The following GON4L variants were observed in gnomAD, a reference collection of about 807,000 sequenced individuals.
GON4L encodes gon-4 like, also known as GON-4-like protein.
Under a neutral mutation model 211.8 loss-of-function variants are expected in GON4L, and 87 were observed. The ratio of observed to expected loss-of-function variants is 0.41; its 90% CI spans 0.35 to 0.49. The LOEUF is 0.49. Ranked by LOEUF, GON4L falls within the 20% of genes least tolerant of loss-of-function variation. The pLI, the probability that GON4L is intolerant of heterozygous loss-of-function variation, is 0.15. For synonymous variants in GON4L, 875 were observed against 962.6 expected (o/e 0.91, Z 1.68); for missense variants, 2,155 against 2,659.5 (o/e 0.81, Z 4.17).
chr1:155,791,475 C>T (rs912887979), intron 12 of GON4L, among the ~76,000 whole-genome samples: 1 of 149,426 alleles, frequency 6.7e-6, no homozygotes, highest in African/African-American at 2.5e-5. Context: ...TGAAACTTTC[C>T]TATGTTTTGC....
At chr1:155,791,232 A>G (rs1665519004) in intron 12 of GON4L, among the ~76,000 whole-genome samples, 1 of 152,176 alleles carries the variant, frequency 6.6e-6, no homozygotes, top group African/African-American at 2.4e-5. Flanking sequence ...ATTGCACTCT[A>G]GCCTGGGGAA....
chr1:155,857,573 T>C (rs1465294714), upstream of GON4L, among the ~76,000 whole-genome samples: 7 of 152,036 alleles, frequency 4.6e-5, no homozygotes, highest in African/African-American at 7.2e-5. Context: ...CTACTAAATA[T>C]ACAAAATTAG....
chr1:155,753,345 C>A lies in GON4L; in HGVS notation c.5701G>T (p.Ala1901Ser). 1.2e-6 allele frequency: 2 copies of A among 1,613,824 alleles called. No individual in the cohort carries two copies. The highest frequency in any genetic ancestry group is 1.3e-5 in the African/African-American group (1 of 74,992). The change falls in exon 29 of 32, where the codon GCT becomes TCT. Residue 1901 changes from alanine to serine, a missense_variant. Transcript: ENST00000368331. ...ELVGSSPHRE[A>S]SPMPGAKEAG... Reference sequence around the variant, plus strand: ...TCCTTAGCACCAGGCATAGGACTAGCCTCTCGGTGGGGGCTGCTGCCCACC... The same window carrying A: ...TCCTTAGCACCAGGCATAGGACTAGACTCTCGGTGGGGGCTGCTGCCCACC...
intron 10 of GON4L, among the ~76,000 whole-genome samples, chr1:155,812,763 G>C (rs2102177278): frequency 6.6e-6 from 1 of 152,120 alleles, no homozygotes; most frequent in African/African-American, 2.4e-5. Flanking sequence ...CACCATGTTG[G>C]CCAGGCTGGT....
chr1:155,766,186 G>C lies in GON4L; in HGVS notation c.3287C>G (p.Pro1096Arg), dbSNP rs1411740262. Residue 1096 changes from proline (P) to arginine (R), a missense_variant, in exon 21 of 32, where the codon CCT becomes CGT. This residue lies in a region of GON4L where 615 missense variants were observed against 625.7 expected (regional missense o/e 0.98). Coordinates refer to ENST00000368331, the MANE Select transcript of GON4L (RefSeq NM_001282860.2). Reference sequence around the variant, plus strand: ...GGAGGGCAGCATTACCTTGGGCACAGGGGCAGAAGAGAGCAAAGTCTGGGA... The same window carrying C: ...GGAGGGCAGCATTACCTTGGGCACACGGGCAGAAGAGAGCAAAGTCTGGGA... Reference protein sequence around the residue: ...SESQTLLSSAPVPKVMLPSLA... With the variant: ...SESQTLLSSARVPKVMLPSLA... 3.1e-6 allele frequency: 5 copies of C among 1,614,016 alleles called. No individual in the cohort carries two copies. The highest frequency in any genetic ancestry group is 1.7e-5 in the Admixed American group (1 of 59,990).
chr1:155,745,281 CAG>C (rs1367843872), downstream of GON4L, among the ~76,000 whole-genome samples: 1 of 152,126 alleles, frequency 6.6e-6, no homozygotes, highest in Non-Finnish European at 1.5e-5. Flanking sequence ...GTTACATACA[CAG>C]AGATAGATTA....
chr1:155,814,269 C>A, intron 9 of GON4L, 61 bp downstream of exon 9: 1 of 1,456,390 alleles, frequency 6.9e-7, no homozygotes, highest in Non-Finnish European at 9.6e-7. Flanking sequence ...TCTACTTATA[C>A]AGTTAAAAAA....
chr1:155,843,052 C>T (rs571861646), intron 2 of GON4L, among the ~76,000 whole-genome samples: 3 of 152,230 alleles, frequency 2.0e-5, no homozygotes, highest in East Asian at 1.9e-4. Flanking sequence ...CCTACACCTG[C>T]AAACCTCTGG....
intron 31 of GON4L, among the ~76,000 whole-genome samples, 190 bp downstream of exon 31, chr1:155,751,577 T>C (rs1660589353): frequency 6.6e-6 from 1 of 152,104 alleles, no homozygotes; most frequent in African/African-American, 2.4e-5. Flanking sequence ...AATTTAAAAA[T>C]CCTCAAAATC....
intron 12 of GON4L, among the ~76,000 whole-genome samples, chr1:155,791,737 G>A (rs536522186): frequency 3.7e-4 from 56 of 151,502 alleles, no homozygotes; most frequent in African/African-American, 1.2e-3. Flanking sequence ...GCGTGGTGGC[G>A]GGCACCTGTA....
At chr1:155,816,459 ACT>A (rs1337237189) in intron 6 of GON4L, among the ~76,000 whole-genome samples, 197 bp from the exon 7 acceptor site, 1 of 152,196 alleles carries the variant, frequency 6.6e-6, no homozygotes, top group Non-Finnish European at 1.5e-5. Flanking sequence ...AGAATCTATT[ACT>A]GTCATTAGCA....
rs1669261643 is a variant in GON4L at position 155,826,854 on chromosome 1, C to T, written c.680G>A (p.Gly227Glu). ...AAGCCTACCCATTGGAATGAAGAGT[C>T]CACCATCTTCTATCTCTTCCTCAGG... ...HQPEEEIEDG[G>E]LFIPMEEQDN... The change falls in exon 3 of 32, where the codon GGA becomes GAA. Residue 227 changes from glycine to glutamate, a missense_variant. Physicochemically the swap from Gly to Glu is moderately conservative, Grantham distance 98. Coordinates refer to ENST00000368331, the MANE Select transcript of GON4L (RefSeq NM_001282860.2). 6.2e-7 allele frequency: 1 copy of T among 1,609,860 alleles called. No individual in the cohort carries two copies. Among genetic ancestry groups the T allele is most frequent in the Non-Finnish European group, 8.5e-7 (1 of 1,176,388 alleles).
chr1:155,768,580 C>A (rs1480075406), intron 19 of GON4L, among the ~76,000 whole-genome samples: 3 of 150,584 alleles, frequency 2.0e-5, no homozygotes, highest in African/African-American at 7.3e-5. Context: ...CACTGCACTC[C>A]AGCCTGGATG....
chr1:155,764,608 T>G, intron 21 of GON4L: 1 of 420,920 alleles, frequency 2.4e-6, no homozygotes, highest in South Asian at 2.2e-5. Context: ...CCTGGCTAAT[T>G]TTTGTTATTT....
At chr1:155,746,103 G>A, downstream of GON4L, 1 of 887,640 alleles carries the variant, frequency 1.1e-6, no homozygotes, top group Non-Finnish European at 1.7e-6. Flanking sequence ...ACGGCCAGGA[G>A]ACCTACACGC....
intron 10 of GON4L, 44 bp from the exon 11 acceptor site, chr1:155,805,185 C>A: frequency 8.1e-7 from 1 of 1,234,586 alleles, no homozygotes; most frequent in Non-Finnish European, 1.2e-6. Flanking sequence ...GTGATGTTTC[C>A]AAACCTCATC....
chr1:155,786,578 G>A (rs1358547191), intron 12 of GON4L, among the ~76,000 whole-genome samples: 1 of 152,102 alleles, frequency 6.6e-6, no homozygotes, highest in Non-Finnish European at 1.5e-5. Context: ...GGGTTTCACA[G>A]GACGCTGTCT....
At position 155,752,429 on chromosome 1, in the gene GON4L, C is replaced by G. The variant is rs1200555624; in HGVS notation, c.6004G>C (p.Glu2002Gln). Residue 2002 changes from glutamate (E) to glutamine (Q), a missense_variant, in exon 30 of 32, where the codon GAG becomes CAG. Around this residue, in one of 6 missense-constraint regions of GON4L, gnomAD observed 186 missense variants for 308.1 expected, o/e 0.60. Coordinates refer to ENST00000368331, the MANE Select transcript of GON4L (RefSeq NM_001282860.2). ...GATGCCTTGGGGCAGGAGCGAACCT[C>G]AGGCCCAACCTGGTTTCTCTTAACA... ...YTVKRNQVGP[E>Q]VRSCPKASPR... is the part of the protein sequence containing the mutation. 1.3e-6 allele frequency: 2 copies of G among 1,572,530 alleles called. No individual in the cohort carries two copies. Among genetic ancestry groups the G allele is most frequent in the South Asian group, 2.3e-5 (2 of 86,792 alleles).
upstream of GON4L, among the ~76,000 whole-genome samples, chr1:155,858,643 T>G (rs1166910581): frequency 1.3e-5 from 2 of 151,564 alleles, no homozygotes; most frequent in African/African-American, 2.4e-5. Context: ...GTTGTTTTTT[T>G]TTTTTTTTTT....
Sources: allele counts gnomAD v4.1 joint callset (sites outside exome capture counted in the v4.1 genomes callset), GRCh38; gene constraint gnomAD v4.1.1; regional missense constraint gnomAD v4.1.1; transcripts MANE v1.5; gene names NCBI Gene and HGNC (gene_info 2026-07-23, HGNC 2026-07-21).